The following SULF2 variants were observed in gnomAD, a reference collection of about 807,000 sequenced individuals.
The protein encoded by SULF2 is extracellular sulfatase Sulf-2.
In SULF2, 52 loss-of-function variants were observed where a neutral mutation model predicts 107.7. The observed-to-expected ratio is 0.48, with a 90% CI of 0.39 to 0.61. The LOEUF is 0.61. SULF2 is among the 20% of genes least tolerant of loss of function. The probability of loss-of-function intolerance (pLI) is 0.00; values close to 1 mark genes in which losing one functional copy is unlikely to be tolerated. For missense variants in SULF2, 993 were observed against 1,177.3 expected (o/e 0.84, Z 2.29); for synonymous variants, 460 against 464.3 (o/e 0.99, Z 0.12).
rs1461449518 is a variant in SULF2 at position 47,751,808 on chromosome 20, G to A, written c.175+5381C>T. On this transcript the variant is annotated intron_variant, in intron 2 of 20. Coordinates refer to ENST00000688720, the MANE Select transcript of SULF2 (RefSeq NM_001387048.1). ...GACAGAGAGTGGTTGTGACACACGCGTTTTTAACACCCAGTGGAAGGCTGG... is the reference window on the plus strand; with the variant it reads ...GACAGAGAGTGGTTGTGACACACGCATTTTTAACACCCAGTGGAAGGCTGG... Among the ~76,000 whole-genome samples, 6 of 152,316 alleles carry A rather than the reference G, an allele frequency of 3.9e-5. No homozygotes were observed. The East Asian group carries it at 5.8e-4, about 15-fold the overall frequency.
intron 10 of SULF2, among the ~76,000 whole-genome samples, chr20:47,674,837 A>G (rs1238901525): frequency 6.6e-6 from 1 of 152,088 alleles, no homozygotes; most frequent in Non-Finnish European, 1.5e-5. Flanking sequence ...GGACATGGCA[A>G]CGGCACTCGG....
At chr20:47,658,469 T>G (rs1279075195) in intron 20 of SULF2, 77 bp from the exon 21 acceptor site, 12 of 1,463,722 alleles carry the variant, frequency 8.2e-6, no homozygotes, top group Non-Finnish European at 7.7e-6. Context: ...GTCCTATAGC[T>G]GAGGAAGCTT....
chr20:47,749,560 T>C (rs1407167330), intron 2 of SULF2, among the ~76,000 whole-genome samples: 1 of 152,262 alleles, frequency 6.6e-6, no homozygotes, highest in Non-Finnish European at 1.5e-5. Flanking sequence ...CTGGGTATGT[T>C]GTCCTGGGCT....
chr20:47,671,989 C>T (rs538564408), intron 11 of SULF2, among the ~76,000 whole-genome samples: 4 of 152,298 alleles, frequency 2.6e-5, no homozygotes, highest in Non-Finnish European at 4.4e-5. Flanking sequence ...GGATTACAGG[C>T]GTGAGCCATT....
chr20:47,747,018 T>TATATATATATATATACAC (rs1232551264), intron 2 of SULF2, among the ~76,000 whole-genome samples: 3 of 75,130 alleles, frequency 4.0e-5, no homozygotes, highest in East Asian at 4.0e-4. Context: ...TATATATATA[T>TATATATATATATATACAC]ACACACACAC....
At chr20:47,732,649 C>T (rs1279626410) in intron 3 of SULF2, among the ~76,000 whole-genome samples, 3 of 152,134 alleles carry the variant, frequency 2.0e-5, no homozygotes, top group Non-Finnish European at 2.9e-5. Flanking sequence ...CGAGGTCAGC[C>T]TGGCCAACAT....
At chr20:47,663,986 G>T in intron 15 of SULF2, 144 bp downstream of exon 15, 1 of 856,200 alleles carries the variant, frequency 1.2e-6, no homozygotes, top group Non-Finnish European at 1.8e-6. Flanking sequence ...TGATTGGGAA[G>T]TAAGGCCTCT....
chr20:47,714,333 T>C (rs1232902801), intron 3 of SULF2, among the ~76,000 whole-genome samples: 1 of 152,178 alleles, frequency 6.6e-6, no homozygotes, highest in Non-Finnish European at 1.5e-5. Flanking sequence ...GGCCTCTTGA[T>C]TTTCGCCCTG....
rs145659660 is a variant in SULF2, at chr20:47,663,617, C to T, written c.2063G>A (p.Gly688Asp). The change falls in exon 16 of 21, where the codon GGC (glycine) becomes GAC (aspartate). Residue 688 changes from glycine (G) to aspartate (D), a missense_variant. Gly to Asp is a moderately conservative substitution (Grantham distance 94, BLOSUM62 -1). Around this residue, in one of 3 missense-constraint regions of SULF2, gnomAD observed 497 missense variants for 544.1 expected, o/e 0.91. Transcript: ENST00000688720. ...RGSSLHPFRK[G>D]LQEKDKVWLL... Reference sequence around the variant, plus strand: ...CCACACCTTGTCCTTCTCTTGCAGGCCCTTCCTATGGGCGCAGAGGGCCAC... The same window carrying T: ...CCACACCTTGTCCTTCTCTTGCAGGTCCTTCCTATGGGCGCAGAGGGCCAC... 3.2e-4 allele frequency: 505 copies of T among 1,586,936 alleles called. 5 individuals are homozygous for T. Among genetic ancestry groups the T allele is most frequent in the South Asian group, 3.2e-3 (276 of 86,740 alleles).
Position 47,780,792 on chromosome 20 carries a change from G to A in SULF2, c.-101+4551C>T, listed in dbSNP as rs952569316. 3.9e-5 allele frequency among the ~76,000 whole-genome samples: 6 copies of A among 152,228 alleles called. No homozygotes were observed. In the South Asian group the frequency reaches 1.2e-3, roughly 32 times the overall value. On this transcript the variant is annotated intron_variant, in intron 1 of 20. Transcript: ENST00000688720. ...TGGTCTCAAACTCCTGACCTCAAGG[G>A]ATCCTCCCACCTCGGCCTCTCAAAG...
At chr20:47,740,832 C>T (rs926980990) in intron 2 of SULF2, among the ~76,000 whole-genome samples, 7 of 152,170 alleles carry the variant, frequency 4.6e-5, no homozygotes, top group Non-Finnish European at 7.4e-5. Flanking sequence ...TGATGTCATT[C>T]GGCTGTCGAT....
intron 3 of SULF2, among the ~76,000 whole-genome samples, chr20:47,728,513 CAGAA>C (rs1159293449): frequency 6.6e-6 from 1 of 151,954 alleles, no homozygotes; most frequent in Admixed American, 6.5e-5. Context: ...CTGGCGGGGA[CAGAA>C]TGTGGAGACT....
At chr20:47,753,173 C>A (rs1396693109) in intron 2 of SULF2, among the ~76,000 whole-genome samples, 1 of 151,348 alleles carries the variant, frequency 6.6e-6, no homozygotes, top group African/African-American at 2.4e-5. Flanking sequence ...GGGCACACTT[C>A]AAATCCGACA....
intron 1 of SULF2, among the ~76,000 whole-genome samples, chr20:47,769,864 A>G (rs1398127943): frequency 2.0e-5 from 3 of 152,034 alleles, no homozygotes; most frequent in Non-Finnish European, 4.4e-5. Context: ...GGATCCCTGC[A>G]GGAGGGGAGG....
rs867092196 is a variant in SULF2, at chr20:47,714,482, G to A, written c.416-11812C>T. 3.3e-5 allele frequency among the ~76,000 whole-genome samples: 5 copies of A among 151,988 alleles called. No individual in the cohort carries two copies. In the South Asian group the frequency reaches 6.2e-4, roughly 19 times the overall value. On this transcript the variant is annotated intron_variant, in intron 3 of 20. Coordinates refer to ENST00000688720, the MANE Select transcript of SULF2 (RefSeq NM_001387048.1). ...CAGGTCTGACCACTTCCCATCATCC[G>A]CCTGTCACCATCTTGGTCCAAGCCA... is the stretch of plus-strand genomic sequence containing the variant.
intron 3 of SULF2, among the ~76,000 whole-genome samples, chr20:47,713,490 A>G (rs2146656433): frequency 6.6e-6 from 1 of 152,298 alleles, no homozygotes; most frequent in South Asian, 2.1e-4. Context: ...TTGCAGAGTC[A>G]GAGGACTCTG....
At chr20:47,761,960 C>T (rs1806726) in intron 1 of SULF2, among the ~76,000 whole-genome samples, 21,910 of 152,180 alleles carry the variant, frequency 0.14, 1,731 homozygotes, top group South Asian at 0.31. Context: ...TGAGATCTGA[C>T]GGTTTTATAA....
chr20:47,704,555 G>A (rs1260532309), intron 3 of SULF2, among the ~76,000 whole-genome samples: 3 of 152,212 alleles, frequency 2.0e-5, no homozygotes, highest in Admixed American at 1.3e-4. Context: ...TGACAGGCGA[G>A]AGCCACCGTG....
intron 3 of SULF2, among the ~76,000 whole-genome samples, chr20:47,719,593 G>A (rs969099682): frequency 1.3e-5 from 2 of 152,166 alleles, no homozygotes; most frequent in African/African-American, 2.4e-5. Flanking sequence ...TCTCTAATCC[G>A]CTGTTAATTA....
Sources: gnomAD v4.1 joint callset for allele counts (sites outside exome capture counted in the v4.1 genomes callset) on GRCh38, gnomAD v4.1.1 for gene constraint, gnomAD v4.1.1 regional missense constraint, MANE v1.5 for transcripts, NCBI Gene and HGNC (gene_info 2026-07-23, HGNC 2026-07-21) for gene names.